ARHGAP33: variants seen among roughly 807,000 people sequenced by gnomAD.
ARHGAP33 encodes rho GTPase-activating protein 33.
A neutral mutation model predicts 126.2 loss-of-function variants in ARHGAP33; 57 were observed. The observed-to-expected ratio is 0.45, with a 90% confidence interval of 0.36 to 0.56. The LOEUF (loss-of-function observed/expected upper bound fraction) is 0.56, where lower values mean the gene tolerates loss of function less well. ARHGAP33 is among the 20% of genes least tolerant of loss of function. ARHGAP33 has a pLI of 0.00. For synonymous variants in ARHGAP33, 711 were observed against 755.0 expected, an observed-to-expected ratio of 0.94 and a Z score of 0.95; for missense variants, 1,500 against 1,748.3, an observed-to-expected ratio of 0.86 and a Z score of 2.53.
At position 35,786,813 on chromosome 19, in the gene ARHGAP33, C is replaced by T; in HGVS notation, c.2343C>T (p.Pro781=). Residue 781 remains proline (P), a synonymous_variant, in exon 20 of 21, where the codon CCC becomes CCT. Transcript: ENST00000007510. The surrounding 1 kb of genome is among the most constrained non-coding windows in gnomAD (Gnocchi z 7.0). ...PPRVTPQAIS[P]RGPTSPASPA... ...GGGTGACCCCCCAGGCCATCTCGCC[C>T]CGGGGGCCCACCAGCCCCGCCTCGC... 1 of 1,534,994 alleles carries T rather than the reference C, an allele frequency of 6.5e-7. No homozygotes were observed. The highest frequency in any genetic ancestry group is 8.7e-7 in the Non-Finnish European group (1 of 1,144,068).
intron 12 of ARHGAP33, 141 bp downstream of exon 12, chr19:35,781,393 G>A (rs1355561235): frequency 2.5e-6 from 2 of 811,070 alleles, no homozygotes; most frequent in Admixed American, 2.2e-5. Context: ...CAGCTCTCTT[G>A]AGAGTAGAGT....
At chr19:35,781,909 G>A (rs972475597) in intron 12 of ARHGAP33, among the ~76,000 whole-genome samples, 3 of 152,154 alleles carry the variant, frequency 2.0e-5, no homozygotes, top group Non-Finnish European at 4.4e-5. Flanking sequence ...GAGGCTGAGA[G>A]GGGAGTGCTT....
intron 19 of ARHGAP33, chr19:35,785,770 G>A (rs1306302074): frequency 7.9e-7 from 1 of 1,261,506 alleles, no homozygotes; most frequent in East Asian, 4.3e-5. Context: ...GAACCCAGCA[G>A]CCAGAACTAG....
chr19:35,786,590 C>T lies in ARHGAP33; in HGVS notation c.2120C>T (p.Ser707Phe). The change falls in exon 20 of 21, where the codon TCT becomes TTT. Residue 707 changes from serine to phenylalanine, a missense_variant. Physicochemically the swap from Ser to Phe is radical, Grantham distance 155. Coordinates refer to ENST00000007510, the MANE Select transcript of ARHGAP33 (RefSeq NM_001366178.1). This position sits in a 1 kb window ranked among gnomAD's most constrained non-coding sequence, Gnocchi z 7.0. ...TCAGCAGCTGGGCTGGGGGCACTCT[C>T]TGGGTCTCCCTCACACCGTACCTCA... ...ESSAAGLGALSGSPSHRTSAW... is the reference protein window; with the variant it reads ...ESSAAGLGALFGSPSHRTSAW... 2 of 1,535,930 alleles carry T rather than the reference C, an allele frequency of 1.3e-6. No individual in the cohort carries two copies. The highest frequency in any genetic ancestry group is 1.7e-6 in the Non-Finnish European group (2 of 1,146,822).
intron 6 of ARHGAP33, chr19:35,779,718 T>TG: frequency 2.9e-6 from 1 of 343,420 alleles, no homozygotes; most frequent in Admixed American, 3.8e-5. Context: ...CATGAGCCAC[T>TG]GTGCCTGGCC....
Position 35,785,069 on chromosome 19 carries a change from C to G in ARHGAP33, c.1684C>G (p.Pro562Ala). Residue 562 changes from proline (P) to alanine (A), a missense_variant, in exon 17 of 21, where the codon CCC becomes GCC. Around this residue, in one of 6 missense-constraint regions of ARHGAP33, gnomAD observed 300 missense variants for 291.1 expected, o/e 1.03. Transcript: ENST00000007510. The part of the protein sequence containing the change: ...TQGRLGTPTE[P>A]TTPKAPASPA... ...GGGCCGGCTGGGGACGCCCACGGAG[C>G]CCACAACTCCCAAGGCCCCGGCCTC... The G allele has an allele frequency of 6.4e-7, 1 of 1,566,646 alleles. No individual in the cohort carries two copies. The highest frequency in any genetic ancestry group is 8.7e-7 in the Non-Finnish European group (1 of 1,155,796).
chr19:35,787,933 G>A lies in ARHGAP33; in HGVS notation c.3368G>A (p.Gly1123Asp). 1 of 1,594,620 alleles carries A rather than the reference G, an allele frequency of 6.3e-7. No individual in the cohort carries two copies. Among genetic ancestry groups the A allele is most frequent in the Non-Finnish European group, 8.5e-7 (1 of 1,172,750 alleles). ...CTCAATGCCTCCTACGGCATGCTTGGCCAATCACCCCCACTCCACAGGTCC... is the reference window on the plus strand; with the variant it reads ...CTCAATGCCTCCTACGGCATGCTTGACCAATCACCCCCACTCCACAGGTCC... ...DRLNASYGMLGQSPPLHRSPD... is the reference protein window; with the variant it reads ...DRLNASYGMLDQSPPLHRSPD... Residue 1123 changes from glycine (G) to aspartate (D), a missense_variant, in exon 21 of 21, where the codon GGC (glycine) becomes GAC (aspartate). This residue lies in a region of ARHGAP33 where 642 missense variants were observed against 634.0 expected (regional missense o/e 1.01). Transcript: ENST00000007510.
At position 35,787,849 on chromosome 19, in the gene ARHGAP33, C is replaced by A. The variant is rs752660770; in HGVS notation, c.3284C>A (p.Ser1095Tyr). The change falls in exon 21 of 21, where the codon TCC becomes TAC. Residue 1095 changes from serine (S) to tyrosine (Y), a missense_variant. Ser to Tyr is a moderately radical substitution (Grantham distance 144, BLOSUM62 -2). This residue lies in a region of ARHGAP33 where 642 missense variants were observed against 634.0 expected (regional missense o/e 1.01). Coordinates refer to ENST00000007510, the MANE Select transcript of ARHGAP33 (RefSeq NM_001366178.1). ...TATGAGATCGGGGCAAGTGAGGGGT[C>A]CCCCTATTCTGGCCCCACCCGCTCC... ...LYYEIGASEGSPYSGPTRSWS... is the reference protein window; with the variant it reads ...LYYEIGASEGYPYSGPTRSWS... 2.4e-5 allele frequency: 38 copies of A among 1,607,786 alleles called. No homozygotes were observed. Among genetic ancestry groups the A allele is most frequent in the Non-Finnish European group, 2.7e-5 (32 of 1,177,356 alleles).
Position 35,787,454 on chromosome 19 carries a change from C to T in ARHGAP33, c.2889C>T (p.Val963=), listed in dbSNP as rs113295119. 4.3e-6 allele frequency: 7 copies of T among 1,612,162 alleles called. No individual in the cohort carries two copies. The Admixed American group carries it at 5.0e-5, about 12-fold the overall frequency. Residue 963 remains valine (V), a synonymous_variant, in exon 21 of 21, where the codon GTC becomes GTT. Coordinates refer to ENST00000007510, the MANE Select transcript of ARHGAP33 (RefSeq NM_001366178.1). The part of the protein sequence containing the change: ...PNSLAHPGAW[V]PGPPPYLPRQ... ...CCCTAGCACACCCGGGTGCCTGGGT[C>T]CCGGGACCCCCACCCTACTTACCAA...
chr19:35,785,956 G>T, intron 19 of ARHGAP33: 1 of 1,071,542 alleles, frequency 9.3e-7, no homozygotes, highest in African/African-American at 1.7e-5. Context: ...TGTAAGAAAG[G>T]GATGCCGCAC....
Position 35,782,961 on chromosome 19 carries a change from T to TAA in ARHGAP33, c.1421+93_1421+94insAA, listed in dbSNP as rs1971882442. 2 of 1,127,386 alleles carry TAA rather than the reference T, an allele frequency of 1.8e-6. No individual in the cohort carries two copies. The highest frequency in any genetic ancestry group is 4.2e-5 in the Admixed American group (2 of 47,348). The allele number at this position is 1,127,386 out of a possible 1,614,324, so 69.8% of individuals were successfully genotyped here. A position where few individuals can be genotyped will look rare whatever the true frequency, so the allele number is the denominator to read the frequency against. ...GCTTTTCTTTTGTTTATTCATCGAA[T>TAA]ACGTGTCTATCAAATACCTCCCATG... On this transcript the variant is annotated intron_variant, in intron 15 of 20. Transcript: ENST00000007510. The surrounding 1 kb of genome is among the most constrained non-coding windows in gnomAD (Gnocchi z 4.1).
chr19:35,784,591 G>C, intron 16 of ARHGAP33: 2 of 1,313,188 alleles, frequency 1.5e-6, no homozygotes, highest in Non-Finnish European at 1.9e-6. Flanking sequence ...GTCCACCTGG[G>C]AGGAGGTGGG....
chr19:35,776,640 G>T (rs10403796), intron 1 of ARHGAP33, among the ~76,000 whole-genome samples: 31,675 of 152,202 alleles, frequency 0.21, 3,430 homozygotes, highest in East Asian at 0.35. Flanking sequence ...ACCCAGAAAA[G>T]AATCAGGAAC....
In ARHGAP33 at chr19:35,787,546, G is replaced by C; in HGVS notation, c.2981G>C (p.Arg994Pro). 6.2e-7 allele frequency: 1 copy of C among 1,611,968 alleles called. No homozygotes were observed. The highest frequency in any genetic ancestry group is 8.5e-7 in the Non-Finnish European group (1 of 1,179,532). Reference sequence around the variant, plus strand: ...ATGGGGACCTCAAGGAGGGGACTCCGAGGCCCTGCCCAGGTCAGTGCCCAG... The same window carrying C: ...ATGGGGACCTCAAGGAGGGGACTCCCAGGCCCTGCCCAGGTCAGTGCCCAG... ...RPMGTSRRGLRGPAQVSAQLR... is the reference protein window; with the variant it reads ...RPMGTSRRGLPGPAQVSAQLR... The change falls in exon 21 of 21, where the codon CGA (arginine) becomes CCA (proline). Residue 994 changes from arginine (R) to proline (P), a missense_variant. Transcript: ENST00000007510.
At chr19:35,780,023 C>T in intron 6 of ARHGAP33, 188 bp from the exon 7 acceptor site, 1 of 824,832 alleles carries the variant, frequency 1.2e-6, no homozygotes, top group South Asian at 1.4e-5. Context: ...TTAGAGGTTT[C>T]CCCACCCGCA....
chr19:35,779,013 T>C lies in ARHGAP33; in HGVS notation c.409-19T>C, dbSNP rs231230. 641,901 of 1,547,422 alleles carry C rather than the reference T, an allele frequency of 0.41. 139,488 individuals are homozygous for C. The highest frequency in any genetic ancestry group is 0.73 in the East Asian group (29,783 of 40,862). ...CTCACGTCCACTCACAGAGGCCCAC[T>C]CTGACAACCTGCCCCCAGATGCTGG... On this transcript the variant is annotated intron_variant, in intron 5 of 20. Coordinates refer to ENST00000007510, the MANE Select transcript of ARHGAP33 (RefSeq NM_001366178.1).
chr19:35,784,833 C>CT, intron 16 of ARHGAP33, 120 bp from the exon 17 acceptor site: 1 of 1,400,164 alleles, frequency 7.1e-7, no homozygotes, highest in Non-Finnish European at 9.2e-7. Flanking sequence ...CCCCGGCCCC[C>CT]TGCCTTGCCA....
chr19:35,782,905 T>G lies in ARHGAP33; in HGVS notation c.1421+36T>G. 1 of 1,568,958 alleles carries G rather than the reference T, an allele frequency of 6.4e-7. No individual in the cohort carries two copies. Among genetic ancestry groups the G allele is most frequent in the Non-Finnish European group, 8.7e-7 (1 of 1,155,084 alleles). ...TGCTCGCCTGCCTGCCCCTCAGGTC[T>G]TTCCCCAAAACCACCCCAGGAACCC... On this transcript the variant is annotated intron_variant, in intron 15 of 20. Transcript: ENST00000007510. The surrounding 1 kb of genome is among the most constrained non-coding windows in gnomAD (Gnocchi z 4.1).
intron 19 of ARHGAP33, 68 bp downstream of exon 19, chr19:35,785,551 G>C (rs1972069718): frequency 6.3e-7 from 1 of 1,598,194 alleles, no homozygotes; most frequent in African/African-American, 1.3e-5. Flanking sequence ...TTGGGGCCCT[G>C]GTTTGGCCTC....
Sources: gnomAD v4.1 joint callset for allele counts (sites outside exome capture counted in the v4.1 genomes callset) on GRCh38, gnomAD v4.1.1 for gene constraint, gnomAD v4.1.1 regional missense constraint, Gnocchi (gnomAD v3.1) non-coding constraint, MANE v1.5 for transcripts, NCBI Gene and HGNC (gene_info 2026-07-23, HGNC 2026-07-21) for gene names.